Variants in HS6ST3 observed in about 807,000 individuals in gnomAD.
The protein encoded by HS6ST3 is heparan-sulfate 6-O-sulfotransferase 3.
A neutral mutation model predicts 36.7 loss-of-function variants in HS6ST3; 12 were observed. The ratio of observed to expected loss-of-function variants is 0.33; its 90% CI spans 0.21 to 0.53. The LOEUF is 0.53. HS6ST3 is among the 20% of genes least tolerant of loss of function. The probability of loss-of-function intolerance (pLI) is 0.95; values close to 1 mark genes in which losing one functional copy is unlikely to be tolerated. For missense variants in HS6ST3, 584 were observed against 640.9 expected (o/e 0.91, Z 0.96); for synonymous variants, 240 against 257.5 (o/e 0.93, Z 0.65).
At chr13:96,807,387 T>A (rs1157104778) in intron 1 of HS6ST3, among the ~76,000 whole-genome samples, 1 of 152,076 alleles carries the variant, frequency 6.6e-6, no homozygotes, top group African/African-American at 2.4e-5. Context: ...TTAGATAAAT[T>A]AAGGTTATAC....
At chr13:96,660,485 T>A (rs1041640902) in intron 1 of HS6ST3, among the ~76,000 whole-genome samples, 4 of 152,152 alleles carry the variant, frequency 2.6e-5, no homozygotes, top group Non-Finnish European at 5.9e-5. Context: ...TGCAAAAGAA[T>A]GGAATTTGAC....
chr13:96,542,330 T>C (rs2056181659), intron 1 of HS6ST3, among the ~76,000 whole-genome samples: 1 of 152,134 alleles, frequency 6.6e-6, no homozygotes, highest in African/African-American at 2.4e-5. Context: ...TAGGGAGAAA[T>C]TGGGCAGTAT....
At chr13:96,336,545 T>C (rs1159739479) in intron 1 of HS6ST3, among the ~76,000 whole-genome samples, 1 of 152,110 alleles carries the variant, frequency 6.6e-6, no homozygotes, top group Non-Finnish European at 1.5e-5. Context: ...AGGACACCAA[T>C]ATGTACAGGG....
chr13:96,168,838 G>A (rs1036299026), intron 1 of HS6ST3, among the ~76,000 whole-genome samples: 1 of 152,098 alleles, frequency 6.6e-6, no homozygotes, highest in African/African-American at 2.4e-5. Flanking sequence ...GTTGGGTAAT[G>A]GTGAGGTTTG....
intron 1 of HS6ST3, among the ~76,000 whole-genome samples, chr13:96,448,113 A>G (rs1458789075): frequency 3.3e-5 from 5 of 152,234 alleles, no homozygotes; most frequent in African/African-American, 9.6e-5. Context: ...AGCCAGAGCT[A>G]TGACCCTTCT....
At chr13:96,419,799 G>A (rs1021003150) in intron 1 of HS6ST3, among the ~76,000 whole-genome samples, 4 of 151,982 alleles carry the variant, frequency 2.6e-5, no homozygotes, top group African/African-American at 4.8e-5. Context: ...ACGCATAGTC[G>A]TCTTCTCCTC....
intron 1 of HS6ST3, among the ~76,000 whole-genome samples, chr13:96,147,672 G>T (rs983289831): frequency 5.3e-5 from 8 of 152,180 alleles, no homozygotes; most frequent in Non-Finnish European, 8.8e-5. Flanking sequence ...ACCCTGTGAT[G>T]GGATGAGATG....
chr13:96,647,326 T>A (rs1393828617), intron 1 of HS6ST3, among the ~76,000 whole-genome samples: 1 of 152,050 alleles, frequency 6.6e-6, no homozygotes, highest in Non-Finnish European at 1.5e-5. Context: ...ATATCACATG[T>A]CTGGTTATCC....
intron 1 of HS6ST3, among the ~76,000 whole-genome samples, chr13:96,755,135 G>GT (rs560000148): frequency 1.3e-5 from 2 of 151,120 alleles, no homozygotes; most frequent in Admixed American, 6.6e-5. Context: ...ACCCCAGAAA[G>GT]TTTTTTTTTG....
intron 1 of HS6ST3, among the ~76,000 whole-genome samples, chr13:96,110,088 T>A (rs1315703654): frequency 6.6e-6 from 1 of 152,060 alleles, no homozygotes; most frequent in East Asian, 1.9e-4. Context: ...GCTGGGTAAT[T>A]TTAAAGAAGA....
At chr13:96,112,613 A>ATATATATATATATATATG (rs2053875675) in intron 1 of HS6ST3, among the ~76,000 whole-genome samples, 2 of 110,734 alleles carry the variant, frequency 1.8e-5, no homozygotes, top group African/African-American at 6.6e-5. Flanking sequence ...ATATATATAT[A>ATATATATATATATATATG]TATATATATG....
chr13:96,671,027 T>A (rs1363213623), intron 1 of HS6ST3, among the ~76,000 whole-genome samples: 2 of 152,132 alleles, frequency 1.3e-5, no homozygotes, highest in East Asian at 1.9e-4. Context: ...GGCTTTACTT[T>A]ACTGAACACT....
chr13:96,136,342 G>A (rs770063603), intron 1 of HS6ST3, among the ~76,000 whole-genome samples: 17 of 152,102 alleles, frequency 1.1e-4, no homozygotes, highest in African/African-American at 4.1e-4. Context: ...ATATGGAAGC[G>A]TGGCACCATC....
In HS6ST3 at chr13:96,147,857, C is replaced by T. The variant is rs567814043; in HGVS notation, c.707+56288C>T. 9.8e-5 allele frequency among the ~76,000 whole-genome samples: 15 copies of T among 152,288 alleles called. No individual in the cohort carries two copies. The South Asian group carries it at 1.5e-3, about 15-fold the overall frequency. ...TGTAACATATACAATCATAAAAATG[C>T]ATAACAATAAACAATGTAGTGTGAA... On this transcript the variant is annotated intron_variant, in intron 1 of 1. Transcript: ENST00000376705.
chr13:96,195,114 C>G (rs1462782496), intron 1 of HS6ST3, among the ~76,000 whole-genome samples: 1 of 152,150 alleles, frequency 6.6e-6, no homozygotes, highest in Non-Finnish European at 1.5e-5. Context: ...TTCACTGTTA[C>G]TAGTTCAAGA....
chr13:96,568,235 C>G (rs1363586454), intron 1 of HS6ST3, among the ~76,000 whole-genome samples: 15 of 152,146 alleles, frequency 9.9e-5, no homozygotes, highest in Admixed American at 9.8e-4. Flanking sequence ...TATATTCATA[C>G]TTCAGTGTAT....
chr13:96,622,159 G>A (rs1193088322), intron 1 of HS6ST3, among the ~76,000 whole-genome samples: 3 of 151,728 alleles, frequency 2.0e-5, no homozygotes, highest in Admixed American at 6.6e-5. Context: ...CTATGTCAAA[G>A]TGATTTAAAT....
intron 1 of HS6ST3, among the ~76,000 whole-genome samples, chr13:96,213,525 CA>C (rs1397359958): frequency 2.7e-4 from 35 of 130,830 alleles, no homozygotes; most frequent in African/African-American, 6.6e-4. Context: ...CTGTGTAGGA[CA>C]ATTTTTTTTT....
In HS6ST3 at chr13:96,688,932, C is replaced by T. The variant is rs1874860369; in HGVS notation, c.708-143558C>T. Among the ~76,000 whole-genome samples, 3 of 151,978 alleles carry T rather than the reference C, an allele frequency of 2.0e-5. No homozygotes were observed. The South Asian group carries it at 6.2e-4, about 32-fold the overall frequency. On this transcript the variant is annotated intron_variant, in intron 1 of 1. Coordinates refer to ENST00000376705, the MANE Select transcript of HS6ST3 (RefSeq NM_153456.4). ...AAAATCCAGCTGAAATCCTGTCCTC[C>T]CAGAGGTCTTTTCGATCACCTCCAT...
Sources: allele counts gnomAD v4.1 joint callset (sites outside exome capture counted in the v4.1 genomes callset), GRCh38; gene constraint gnomAD v4.1.1; transcripts MANE v1.5; gene names NCBI Gene and HGNC (gene_info 2026-07-23, HGNC 2026-07-21).